Variants in TMC1 observed in about 807,000 individuals in gnomAD.
The protein encoded by TMC1 is transmembrane channel like 1.
A neutral mutation model predicts 105.8 loss-of-function variants in TMC1; 84 were observed. The observed-to-expected ratio is 0.79, with a 90% CI of 0.67 to 0.95. The LOEUF is 0.95. TMC1 is among the 40% of genes least tolerant of loss of function. The probability of loss-of-function intolerance (pLI) is 0.00; values close to 1 mark genes in which losing one functional copy is unlikely to be tolerated. For missense variants in TMC1, 817 were observed against 914.1 expected (o/e 0.89, Z 1.37); for synonymous variants, 315 against 311.5 (o/e 1.01, Z -0.12).
chr9:72,571,158 AC>A (rs1824277086), intron 1 of TMC1, among the ~76,000 whole-genome samples: 1 of 150,916 alleles, frequency 6.6e-6, no homozygotes, highest in Non-Finnish European at 1.5e-5. Flanking sequence ...TCCCGCCTCT[AC>A]AAAAAATATA....
At chr9:72,697,195 TATG>T (rs1826564485) in intron 7 of TMC1, among the ~76,000 whole-genome samples, 1 of 152,138 alleles carries the variant, frequency 6.6e-6, no homozygotes, top group South Asian at 2.1e-4. Flanking sequence ...GCACTGGGTT[TATG>T]ATGATAACCC....
At chr9:72,751,582 T>C (rs1005441783) in intron 10 of TMC1, among the ~76,000 whole-genome samples, 7 of 152,218 alleles carry the variant, frequency 4.6e-5, no homozygotes, top group Non-Finnish European at 1.0e-4. Context: ...AGCTTTCCCT[T>C]GGATGGACTA....
chr9:72,792,533 A>G (rs1828290467), intron 17 of TMC1, among the ~76,000 whole-genome samples, 181 bp downstream of exon 17: 1 of 152,210 alleles, frequency 6.6e-6, no homozygotes, highest in Admixed American at 6.5e-5. Flanking sequence ...TTGCAAATCT[A>G]TCCCTTGAGG....
rs1829143106 is a variant in TMC1 at position 72,837,428 on chromosome 9, G to GGCCT, written c.*1456_*1459dup. The GGCCT allele has an allele frequency of 6.6e-6, 1 of 152,082 alleles. No homozygotes were observed. Among genetic ancestry groups the GGCCT allele is most frequent in the Non-Finnish European group, 1.5e-5 (1 of 68,058 alleles). 9.4% of individuals were successfully genotyped at this position (152,082 alleles called of 1,614,324 possible). On this transcript the variant is annotated 3_prime_UTR_variant, in exon 24 of 24. Transcript: ENST00000297784. ...CATTCCTGTGGGATGGGTGGTGGGG[G>GGCCT]GCCTCTCTTGCCCTGCTTATGTTTT...
chr9:72,711,009 C>T (rs1471965663), intron 8 of TMC1, among the ~76,000 whole-genome samples: 2 of 152,162 alleles, frequency 1.3e-5, no homozygotes, highest in East Asian at 3.8e-4. Context: ...TGAGTGAGAA[C>T]ATGTGGTGTT....
rs577657359 is a variant in TMC1 at position 72,633,542 on chromosome 9, A to G, written c.-53+5479A>G. On this transcript the variant is annotated intron_variant, in intron 4 of 23. Coordinates refer to ENST00000297784, the MANE Select transcript of TMC1 (RefSeq NM_138691.3). ...CTGTCTGGTTCCAAATCCAAGGTCT[A>G]CCAGTTGATTTTGACCTTAATTTTC... 2.0e-5 allele frequency among the ~76,000 whole-genome samples: 3 copies of G among 152,244 alleles called. No individual in the cohort carries two copies. The East Asian group carries it at 5.8e-4, about 29-fold the overall frequency.
chr9:72,797,336 CT>C (rs1468317668), intron 17 of TMC1, among the ~76,000 whole-genome samples: 3 of 151,994 alleles, frequency 2.0e-5, no homozygotes, highest in Non-Finnish European at 4.4e-5. Context: ...TAAACCACAA[CT>C]GAAATTCTTC....
At chr9:72,630,228 T>G (rs1347644518) in intron 4 of TMC1, among the ~76,000 whole-genome samples, 1 of 152,188 alleles carries the variant, frequency 6.6e-6, no homozygotes, top group African/African-American at 2.4e-5. Flanking sequence ...AGAAGAAATG[T>G]AATTAGTACA....
chr9:72,799,032 G>T (rs189979814), intron 17 of TMC1, among the ~76,000 whole-genome samples: 1 of 151,926 alleles, frequency 6.6e-6, no homozygotes, highest in Non-Finnish European at 1.5e-5. Context: ...GTTTCATATG[G>T]CTTTCTATCC....
At chr9:72,532,315 C>A (rs1418178958) in intron 1 of TMC1, among the ~76,000 whole-genome samples, 1 of 151,808 alleles carries the variant, frequency 6.6e-6, no homozygotes, top group African/African-American at 2.4e-5. Flanking sequence ...TTGAGGCGGG[C>A]AGATCACTTG....
rs1306935233 is a variant in TMC1, at chr9:72,821,085, T to C, written c.2003+4T>C. ...CTTTTGATTGTGGTCCATTCAGGTC[T>C]CTTGCTTTTGAAATTTGACTCAGGC... On this transcript the variant is annotated splice_donor_region_variant and intron_variant, in intron 20 of 23. Transcript: ENST00000297784. The C allele has an allele frequency of 6.2e-7, 1 of 1,614,212 alleles. No homozygotes were observed.
At position 72,742,468 on chromosome 9, in the gene TMC1, T is replaced by A. The variant is rs1257498319; in HGVS notation, c.478T>A (p.Phe160Ile). Reference protein sequence around the residue: ...AKKWAKFLRDFENFKAACVPW... With the variant: ...AKKWAKFLRDIENFKAACVPW... ...GAAATGGGCAAAATTCCTCCGTGAT[T>A]TTGAGAACTTCAAAGCTGCGTGTGT... Residue 160 changes from phenylalanine (F) to isoleucine (I), a missense_variant, in exon 10 of 24, where the codon TTT becomes ATT. By Grantham distance (21) the Phe-to-Ile change is conservative. Coordinates refer to ENST00000297784, the MANE Select transcript of TMC1 (RefSeq NM_138691.3). 1.9e-6 allele frequency: 3 copies of A among 1,614,046 alleles called. No individual in the cohort carries two copies. Among genetic ancestry groups the A allele is most frequent in the Non-Finnish European group, 2.5e-6 (3 of 1,180,026 alleles).
chr9:72,835,915 G>C, intron 23 of TMC1, 36 bp from the exon 24 acceptor site: 1 of 1,314,682 alleles, frequency 7.6e-7, no homozygotes, highest in South Asian at 1.4e-5. Context: ...CTCTCTCCTT[G>C]TTTTTTTTTT....
rs1448829182 is a variant in TMC1 at position 72,837,319 on chromosome 9, C to G, written c.*1346C>G. 6.6e-6 allele frequency: 1 copy of G among 152,176 alleles called. No individual in the cohort carries two copies. The highest frequency in any genetic ancestry group is 2.4e-5 in the African/African-American group (1 of 41,422). The allele number at this position is 152,176 out of a possible 1,614,324, so 9.4% of individuals were successfully genotyped here. On this transcript the variant is annotated 3_prime_UTR_variant, in exon 24 of 24. Coordinates refer to ENST00000297784, the MANE Select transcript of TMC1 (RefSeq NM_138691.3). The stretch of plus-strand genomic sequence containing the variant: ...TGTTTTCTATCTATTGGGAGACTGT[C>G]TTTCCCTAGCACTGGTTGCCACTAA...
chr9:72,571,629 G>T (rs1824288043), intron 1 of TMC1, among the ~76,000 whole-genome samples: 1 of 151,386 alleles, frequency 6.6e-6, no homozygotes, highest in Non-Finnish European at 1.5e-5. Flanking sequence ...TGTATTTTTA[G>T]TAAAGATGGG....
chr9:72,741,203 A>G (rs1391587120), intron 9 of TMC1: 1 of 173,226 alleles, frequency 5.8e-6, no homozygotes, highest in African/African-American at 2.4e-5. Flanking sequence ...TGCTACAACA[A>G]TGACTGTTAA....
intron 19 of TMC1, chr9:72,817,105 C>A (rs1367830930): frequency 2.6e-5 from 4 of 152,200 alleles, no homozygotes; most frequent in African/African-American, 9.6e-5. Flanking sequence ...AATTATTAAA[C>A]CTTTGGGTGC....
intron 8 of TMC1, among the ~76,000 whole-genome samples, chr9:72,709,556 T>G (rs1271479878): frequency 2.0e-5 from 3 of 152,158 alleles, no homozygotes; most frequent in Non-Finnish European, 4.4e-5. Flanking sequence ...TTTCTAATTC[T>G]GATTCTAGCT....
chr9:72,816,901 G>A (rs562249153), intron 19 of TMC1, among the ~76,000 whole-genome samples: 6 of 152,180 alleles, frequency 3.9e-5, no homozygotes, highest in African/African-American at 1.4e-4. Context: ...GATTCATCTG[G>A]GGACCATGTG....
Sources: gnomAD v4.1 joint callset for allele counts (sites outside exome capture counted in the v4.1 genomes callset) on GRCh38, gnomAD v4.1.1 for gene constraint, MANE v1.5 for transcripts, NCBI Gene and HGNC (gene_info 2026-07-23, HGNC 2026-07-21) for gene names.